The following GRID2 variants were observed in gnomAD, a reference collection of about 807,000 sequenced individuals.
GRID2 encodes the protein glutamate ionotropic receptor delta type subunit 2, also known as glutamate receptor ionotropic, delta-2.
GRID2 carries 33 observed loss-of-function variants against 114.8 expected under a neutral mutation model. That is an observed-to-expected ratio of 0.29 (90% CI 0.22 to 0.38). GRID2 has a LOEUF of 0.38. Ranked by LOEUF, GRID2 falls within the 10% of genes least tolerant of loss-of-function variation. The probability of loss-of-function intolerance (pLI) is 1.00; values close to 1 mark genes in which losing one functional copy is unlikely to be tolerated. For synonymous variants in GRID2, 505 were observed against 449.9 expected (o/e 1.12, Z -1.55); for missense variants, 1,184 against 1,257.7 (o/e 0.94, Z 0.89).
At chr4:93,611,855 A>G (rs1009418011) in intron 13 of GRID2, among the ~76,000 whole-genome samples, 138 of 151,848 alleles carry the variant, frequency 9.1e-4, no homozygotes, top group Admixed American at 1.8e-3. Context: ...GCTGAGTTCA[A>G]TTCCTGGGTA....
At chr4:93,484,019 T>G (rs1438545612) in intron 11 of GRID2, among the ~76,000 whole-genome samples, 1 of 151,918 alleles carries the variant, frequency 6.6e-6, no homozygotes, top group Non-Finnish European at 1.5e-5. Context: ...AATGCATATT[T>G]TTTTTCTAAT....
At chr4:92,976,707 A>G (rs1033336149) in intron 2 of GRID2, among the ~76,000 whole-genome samples, 8 of 152,120 alleles carry the variant, frequency 5.3e-5, no homozygotes, top group East Asian at 1.9e-4. Context: ...ACTTCTCCCT[A>G]TATTAGCAGA....
intron 1 of GRID2, among the ~76,000 whole-genome samples, chr4:92,326,726 G>C (rs1259416138): frequency 2.6e-5 from 4 of 151,910 alleles, no homozygotes; most frequent in African/African-American, 4.8e-5. Flanking sequence ...AATAATGCTG[G>C]TGTTATACCC....
In GRID2 at chr4:93,770,044, G is replaced by A. The variant is rs1410444364; in HGVS notation, c.2601+594G>A. ...ACTGTGGAGTCAGCTTCACTTCAGG[G>A]CCATATTAAATTTTATCTCAATATC... is the stretch of plus-strand genomic sequence containing the variant. On this transcript the variant is annotated intron_variant, in intron 15 of 15. Coordinates refer to ENST00000282020, the MANE Select transcript of GRID2 (RefSeq NM_001510.4). 2.0e-5 allele frequency among the ~76,000 whole-genome samples: 3 copies of A among 152,096 alleles called. No individual in the cohort carries two copies. In the East Asian group the frequency reaches 5.8e-4, roughly 29 times the overall value.
chr4:93,442,999 C>T (rs1721763111), intron 10 of GRID2, among the ~76,000 whole-genome samples: 1 of 151,982 alleles, frequency 6.6e-6, no homozygotes, highest in South Asian at 2.1e-4. Flanking sequence ...TACAATGCAT[C>T]AGCAAATTTG....
intron 2 of GRID2, among the ~76,000 whole-genome samples, chr4:92,606,506 G>A (rs74732617): frequency 0.011 from 1,743 of 152,090 alleles, 18 homozygotes; most frequent in Non-Finnish European, 0.019. Context: ...TCTGTCTTCT[G>A]TGTGTGGTTG....
intron 2 of GRID2, among the ~76,000 whole-genome samples, chr4:92,673,674 G>GCAC (rs1344431688): frequency 1.3e-5 from 2 of 151,922 alleles, no homozygotes; most frequent in East Asian, 3.9e-4. Context: ...TGTTCTTTCA[G>GCAC]CATCTTAAAA....
At chr4:93,444,468 A>G (rs764831693) in intron 10 of GRID2, among the ~76,000 whole-genome samples, 12 of 152,030 alleles carry the variant, frequency 7.9e-5, no homozygotes, top group Non-Finnish European at 1.8e-4. Flanking sequence ...AAAAAAATCT[A>G]TTGAAATAAT....
At chr4:93,687,476 G>A (rs1262873035) in intron 14 of GRID2, among the ~76,000 whole-genome samples, 1 of 151,968 alleles carries the variant, frequency 6.6e-6, no homozygotes, top group Non-Finnish European at 1.5e-5. Context: ...GCATTCACAT[G>A]TTAAGAGGTG....
chr4:93,016,436 A>G (rs899790323), intron 2 of GRID2, among the ~76,000 whole-genome samples: 17 of 152,244 alleles, frequency 1.1e-4, no homozygotes, highest in Admixed American at 1.0e-3. Flanking sequence ...TAGTATAACC[A>G]AGAGGATAGT....
rs1474999377 is a variant in GRID2 at position 92,521,407 on chromosome 4, G to A, written c.89-68724G>A. Reference sequence around the variant, plus strand: ...AGATTTGCTACATTTTAATAGTATCGACAATTTATTTAAAAGATTTGCTAA... The same window carrying A: ...AGATTTGCTACATTTTAATAGTATCAACAATTTATTTAAAAGATTTGCTAA... On this transcript the variant is annotated intron_variant, in intron 1 of 15. Coordinates refer to ENST00000282020, the MANE Select transcript of GRID2 (RefSeq NM_001510.4). Among the ~76,000 whole-genome samples the A allele has an allele frequency of 5.3e-5, 8 of 151,746 alleles. 1 individual carries two copies. In the South Asian group the frequency reaches 6.2e-4, roughly 12 times the overall value.
intron 8 of GRID2, among the ~76,000 whole-genome samples, chr4:93,391,131 T>A (rs886828196): frequency 6.6e-6 from 1 of 152,168 alleles, no homozygotes; most frequent in Non-Finnish European, 1.5e-5. Flanking sequence ...ATAATCATCC[T>A]CTAGGGAACA....
intron 11 of GRID2, among the ~76,000 whole-genome samples, chr4:93,487,753 C>G (rs1220791279): frequency 6.6e-6 from 1 of 151,884 alleles, no homozygotes; most frequent in Non-Finnish European, 1.5e-5. Flanking sequence ...ATTTTCTTCT[C>G]CAGGACTCTG....
At chr4:93,764,015 G>A (rs972096132) in intron 14 of GRID2, among the ~76,000 whole-genome samples, 4 of 152,190 alleles carry the variant, frequency 2.6e-5, no homozygotes, top group South Asian at 2.1e-4. Context: ...AGAAATTTGC[G>A]TCCAACTTTC....
At chr4:93,542,779 C>T (rs181240598) in intron 13 of GRID2, among the ~76,000 whole-genome samples, 1 of 152,234 alleles carries the variant, frequency 6.6e-6, no homozygotes, top group Non-Finnish European at 1.5e-5. Context: ...GCAGAAAGAC[C>T]TTATCTTATT....
At chr4:93,599,995 AC>A (rs1335916340) in intron 13 of GRID2, among the ~76,000 whole-genome samples, 2 of 152,142 alleles carry the variant, frequency 1.3e-5, no homozygotes, top group Non-Finnish European at 2.9e-5. Context: ...CAGGGGAGAA[AC>A]CATGCTGGAA....
chr4:93,650,650 T>C (rs1323086683), intron 14 of GRID2, among the ~76,000 whole-genome samples: 3 of 152,180 alleles, frequency 2.0e-5, no homozygotes, highest in African/African-American at 7.2e-5. Flanking sequence ...GCTTTTTAGA[T>C]TCCTTACACT....
At chr4:93,125,315 A>T (rs1259471508) in intron 4 of GRID2, among the ~76,000 whole-genome samples, 1 of 152,054 alleles carries the variant, frequency 6.6e-6, no homozygotes, top group Non-Finnish European at 1.5e-5. Context: ...ATATGAAAAC[A>T]TACATTTATA....
intron 14 of GRID2, among the ~76,000 whole-genome samples, chr4:93,733,849 A>G (rs1730697304): frequency 1.3e-5 from 2 of 152,112 alleles, no homozygotes; most frequent in African/African-American, 2.4e-5. Context: ...TAAATGGTCT[A>G]TGTAGGACAG....
Sources: allele counts gnomAD v4.1 joint callset (sites outside exome capture counted in the v4.1 genomes callset), GRCh38; gene constraint gnomAD v4.1.1; transcripts MANE v1.5; gene names NCBI Gene and HGNC (gene_info 2026-07-23, HGNC 2026-07-21).